CHCHD3: variants seen among roughly 807,000 people sequenced by gnomAD.
CHCHD3 encodes the protein MICOS complex subunit MIC19.
CHCHD3 carries 20 observed loss-of-function variants against 38.2 expected under a neutral mutation model. That is an observed-to-expected ratio of 0.52 (90% CI 0.37 to 0.76). The LOEUF is 0.76. Among genes scored for constraint, CHCHD3 ranks in the 30% least tolerant of loss-of-function variants. The probability of loss-of-function intolerance (pLI) is 0.00; values close to 1 mark genes in which losing one functional copy is unlikely to be tolerated. For missense variants in CHCHD3, 245 were observed against 279.2 expected (o/e 0.88, Z 0.87); for synonymous variants, 82 against 100.0 (o/e 0.82, Z 1.07).
At chr7:132,987,250 C>T (rs1812145601) in intron 3 of CHCHD3, among the ~76,000 whole-genome samples, 1 of 152,018 alleles carries the variant, frequency 6.6e-6, no homozygotes, top group African/African-American at 2.4e-5. Flanking sequence ...AGAACCCGGA[C>T]AGAGAGAACA....
At chr7:132,963,305 G>C (rs1260191624) in intron 4 of CHCHD3, among the ~76,000 whole-genome samples, 1 of 145,298 alleles carries the variant, frequency 6.9e-6, no homozygotes. Context: ...GTTTAAGAAA[G>C]GAATTTTAAA....
At chr7:133,015,348 T>TTAATTAAATAAA (rs5887606) in intron 3 of CHCHD3, among the ~76,000 whole-genome samples, 9 of 143,894 alleles carry the variant, frequency 6.3e-5, no homozygotes, top group Non-Finnish European at 1.4e-4. Context: ...GTCTCAAAAA[T>TTAATTAAATAAA]TAAATAAATA....
At chr7:133,010,037 C>T (rs1160658398) in intron 3 of CHCHD3, among the ~76,000 whole-genome samples, 1 of 152,104 alleles carries the variant, frequency 6.6e-6, no homozygotes, top group Non-Finnish European at 1.5e-5. Flanking sequence ...ATTAAGCCTA[C>T]TCAACAGGAA....
At chr7:133,025,421 C>T (rs988857767) in intron 2 of CHCHD3, among the ~76,000 whole-genome samples, 1 of 152,212 alleles carries the variant, frequency 6.6e-6, no homozygotes, top group African/African-American at 2.4e-5. Flanking sequence ...GACCTACTAC[C>T]CAAAATTACG....
intron 4 of CHCHD3, among the ~76,000 whole-genome samples, chr7:132,943,345 T>A (rs1366569255): frequency 6.6e-6 from 1 of 152,094 alleles, no homozygotes; most frequent in African/African-American, 2.4e-5. Flanking sequence ...AAATATACAA[T>A]AAATAATAAT....
intron 3 of CHCHD3, among the ~76,000 whole-genome samples, chr7:133,021,400 G>A (rs577298436): frequency 1.3e-5 from 2 of 152,054 alleles, no homozygotes; most frequent in Non-Finnish European, 2.9e-5. Context: ...TTTCCTGCTG[G>A]GGAACTATTT....
chr7:133,027,726 G>T (rs1001014712), intron 2 of CHCHD3, among the ~76,000 whole-genome samples: 13 of 152,058 alleles, frequency 8.5e-5, no homozygotes, highest in African/African-American at 2.4e-4. Context: ...CTTTGAAGGG[G>T]TCAAACAAAA....
In CHCHD3 at chr7:132,915,928, G is replaced by GT. The variant is rs938011385; in HGVS notation, c.370-30184dup. ...AATATTGTGCTTTGTGGTGAGTTTGGTTTTTTTTTAATTTTTTAATAAAAA... is the reference window on the plus strand; with the variant it reads ...AATATTGTGCTTTGTGGTGAGTTTGGTTTTTTTTTTAATTTTTTAATAAAAA... On this transcript the variant is annotated intron_variant, in intron 4 of 7. Transcript: ENST00000262570. 5.8e-4 allele frequency among the ~76,000 whole-genome samples: 87 copies of GT among 148,800 alleles called. 2 individuals are homozygous for GT. Among genetic ancestry groups the GT allele is most frequent in the Middle Eastern group, 6.9e-3 (2 of 290 alleles).
At chr7:132,919,969 T>C (rs1810218082) in intron 4 of CHCHD3, among the ~76,000 whole-genome samples, 1 of 152,190 alleles carries the variant, frequency 6.6e-6, no homozygotes, top group Admixed American at 6.5e-5. Context: ...GAAAATGCTC[T>C]CACTTCTCGG....
intron 5 of CHCHD3, among the ~76,000 whole-genome samples, chr7:132,847,082 T>A (rs1808093278): frequency 6.6e-6 from 1 of 152,204 alleles, no homozygotes; most frequent in South Asian, 2.1e-4. Flanking sequence ...CCCGAGCAGT[T>A]GACTTCTGTC....
At chr7:132,823,882 T>C (rs1807443344) in intron 6 of CHCHD3, among the ~76,000 whole-genome samples, 1 of 152,224 alleles carries the variant, frequency 6.6e-6, no homozygotes. Flanking sequence ...ACTAATCATA[T>C]ACCATTTCAA....
chr7:132,968,604 G>A (rs1811536031), intron 4 of CHCHD3, among the ~76,000 whole-genome samples: 1 of 152,104 alleles, frequency 6.6e-6, no homozygotes, highest in Non-Finnish European at 1.5e-5. Context: ...TTTAACAGAG[G>A]TTATAATCCA....
At chr7:132,851,391 C>T (rs1445460188) in intron 5 of CHCHD3, among the ~76,000 whole-genome samples, 8 of 152,078 alleles carry the variant, frequency 5.3e-5, no homozygotes, top group Non-Finnish European at 1.0e-4. Flanking sequence ...TCTCATTTAT[C>T]GCAAATATAA....
At chr7:132,944,776 C>T (rs1328062654) in intron 4 of CHCHD3, among the ~76,000 whole-genome samples, 2 of 152,030 alleles carry the variant, frequency 1.3e-5, no homozygotes, top group African/African-American at 2.4e-5. Flanking sequence ...GGATGTTTTA[C>T]GTTTTCAAAT....
intron 2 of CHCHD3, among the ~76,000 whole-genome samples, chr7:133,069,067 G>A (rs544534605): frequency 6.6e-6 from 1 of 152,202 alleles, no homozygotes; most frequent in Admixed American, 6.5e-5. Flanking sequence ...ACCCTGGACT[G>A]AGGGTTGCAA....
At chr7:132,999,113 T>C (rs540718410) in intron 3 of CHCHD3, among the ~76,000 whole-genome samples, 4 of 152,274 alleles carry the variant, frequency 2.6e-5, no homozygotes, top group South Asian at 4.2e-4. Context: ...AGAGAGACCC[T>C]GTCTCAAAAC....
chr7:132,848,944 A>G (rs1408568665), intron 5 of CHCHD3, among the ~76,000 whole-genome samples: 1 of 152,162 alleles, frequency 6.6e-6, no homozygotes, highest in African/African-American at 2.4e-5. Flanking sequence ...ATCAAAGCTA[A>G]TTTAAATAGA....
intron 3 of CHCHD3, among the ~76,000 whole-genome samples, chr7:133,010,780 T>G (rs1812847087): frequency 6.6e-6 from 1 of 152,166 alleles, no homozygotes; most frequent in Admixed American, 6.5e-5. Flanking sequence ...GGTTTCGTCA[T>G]GTTGGCCAGG....
chr7:132,965,166 AC>A (rs1811429259), intron 4 of CHCHD3, among the ~76,000 whole-genome samples: 1 of 151,954 alleles, frequency 6.6e-6, no homozygotes, highest in Admixed American at 6.6e-5. Flanking sequence ...TTCTGCTTTG[AC>A]CACGTGCCTA....
Sources: gnomAD v4.1 joint callset for allele counts (sites outside exome capture counted in the v4.1 genomes callset) on GRCh38, gnomAD v4.1.1 for gene constraint, MANE v1.5 for transcripts, NCBI Gene and HGNC (gene_info 2026-07-23, HGNC 2026-07-21) for gene names.